OR2A12: variants seen among roughly 807,000 people sequenced by gnomAD.
The protein encoded by OR2A12 is olfactory receptor family 2 subfamily A member 12.
For synonymous variants in OR2A12, 153 were observed against 149.3 expected, an observed-to-expected ratio of 1.02 and a Z score of -0.18; for missense variants, 380 against 372.5, an observed-to-expected ratio of 1.02 and a Z score of -0.17.
intron 1 of OR2A12, among the ~76,000 whole-genome samples, chr7:144,090,670 C>T (rs950712317): frequency 3.3e-5 from 5 of 152,078 alleles, no homozygotes; most frequent in East Asian, 1.9e-4. Context: ...TTTCATGATC[C>T]TCTCTCTCCT....
In OR2A12 at chr7:144,095,782, G is replaced by C; in HGVS notation, c.675G>C (p.Leu225Phe). 6.2e-7 allele frequency: 1 copy of C among 1,614,100 alleles called. No individual in the cohort carries two copies. Among genetic ancestry groups the C allele is most frequent in the Non-Finnish European group, 8.5e-7 (1 of 1,180,010 alleles). The change falls in exon 2 of 2, where the codon TTG (leucine) becomes TTC (phenylalanine). Residue 225 changes from leucine to phenylalanine, a missense_variant. Transcript: ENST00000641592. ...ACTTGCACATCCTGGTGGCCATCTT[G>C]AGGATCCAGTCTGGGGAGGGCCGCA... is the stretch of plus-strand genomic sequence containing the variant. ...VSYLHILVAI[L>F]RIQSGEGRRK...
At chr7:144,091,485 TAA>T (rs2051227061) in intron 1 of OR2A12, among the ~76,000 whole-genome samples, 1 of 152,230 alleles carries the variant, frequency 6.6e-6, no homozygotes, top group African/African-American at 2.4e-5. Context: ...CAACAGTGTA[TAA>T]GTGTTCCCTT....
intron 1 of OR2A12, among the ~76,000 whole-genome samples, chr7:144,087,457 G>C (rs927300963): frequency 6.6e-6 from 1 of 152,148 alleles, no homozygotes; most frequent in African/African-American, 2.4e-5. Flanking sequence ...CTTGACTATG[G>C]TGTCACATAT....
chr7:144,087,421 C>A, intron 1 of OR2A12, among the ~76,000 whole-genome samples: 1 of 152,126 alleles, frequency 6.6e-6, no homozygotes, highest in African/African-American at 2.4e-5. Context: ...TATGGAAACC[C>A]TTTATCAGAT....
At position 144,095,840 on chromosome 7, in the gene OR2A12, T is replaced by C. The variant is rs1488295939; in HGVS notation, c.733T>C (p.Cys245Arg). Residue 245 changes from cysteine to arginine, a missense_variant, in exon 2 of 2, where the codon TGC becomes CGC. Physicochemically the swap from Cys to Arg is radical, Grantham distance 180. Transcript: ENST00000641592. ...CTTCTCTACCTGCTCCTCCCACCTCTGCGTGGTGGGGCTTTTCTTTGGCAG... is the reference window on the plus strand; with the variant it reads ...CTTCTCTACCTGCTCCTCCCACCTCCGCGTGGTGGGGCTTTTCTTTGGCAG... Reference protein sequence around the residue: ...KAFSTCSSHLCVVGLFFGSAI... With the variant: ...KAFSTCSSHLRVVGLFFGSAI... 2 of 1,614,134 alleles carry C rather than the reference T, an allele frequency of 1.2e-6. No individual in the cohort carries two copies. Among genetic ancestry groups the C allele is most frequent in the Admixed American group, 1.7e-5 (1 of 60,022 alleles).
chr7:144,098,484 A>G lies in OR2A12; in HGVS notation c.*2444A>G, dbSNP rs149313287. On this transcript the variant is annotated 3_prime_UTR_variant, in exon 2 of 2. Transcript: ENST00000641592. ...CATTTTTATGTTCTATTTATTAATA[A>G]TTTCTATTTTGCACATGAGAAGATC... 1 of 152,218 alleles carries G rather than the reference A, an allele frequency of 6.6e-6. No homozygotes were observed. The highest frequency in any genetic ancestry group is 1.5e-5 in the Non-Finnish European group (1 of 68,004). The allele number at this position is 152,218 out of a possible 1,614,324, so 9.4% of individuals were successfully genotyped here.
rs760369758 is a variant in OR2A12 at position 144,095,749 on chromosome 7, G to T, written c.642G>T (p.Leu214=). ...TAGTGGGGCCGCTCTGCCTGGTGCTGGTCTCCTACTTGCACATCCTGGTGG... is the reference window on the plus strand; with the variant it reads ...TAGTGGGGCCGCTCTGCCTGGTGCTTGTCTCCTACTTGCACATCCTGGTGG... The part of the protein sequence containing the change: ...FILVGPLCLV[L]VSYLHILVAI... The change falls in exon 2 of 2, where the codon CTG becomes CTT. Residue 214 remains leucine (L), a synonymous_variant. Transcript: ENST00000641592. 1 of 1,614,092 alleles carries T rather than the reference G, an allele frequency of 6.2e-7. No individual in the cohort carries two copies. The highest frequency in any genetic ancestry group is 1.1e-5 in the South Asian group (1 of 91,086).
intron 1 of OR2A12, among the ~76,000 whole-genome samples, chr7:144,092,294 C>T (rs1292440605): frequency 1.3e-5 from 2 of 152,110 alleles, no homozygotes; most frequent in African/African-American, 4.8e-5. Context: ...ATGATGCCTC[C>T]AGCTGTGTTC....
chr7:144,089,013 C>T (rs1403193824), intron 1 of OR2A12, among the ~76,000 whole-genome samples: 2 of 152,194 alleles, frequency 1.3e-5, no homozygotes, highest in African/African-American at 4.8e-5. Context: ...ACAAGAGGAG[C>T]ACCTTATATT....
Position 144,095,209 on chromosome 7 carries a change from C to T in OR2A12, c.102C>T (p.Tyr34=), listed in dbSNP as rs748808747. The T allele has an allele frequency of 6.2e-7, 1 of 1,613,854 alleles. No homozygotes were observed. Among genetic ancestry groups the T allele is most frequent in the Non-Finnish European group, 8.5e-7 (1 of 1,179,802 alleles). ...LFLFGFFLLF[Y]SLTLMGNGII... is the part of the protein sequence containing the mutation. Reference sequence around the variant, plus strand: ...TCTTTGGGTTTTTCTTGCTATTCTACAGCTTAACCCTGATGGGAAATGGGA... The same window carrying T: ...TCTTTGGGTTTTTCTTGCTATTCTATAGCTTAACCCTGATGGGAAATGGGA... Residue 34 remains tyrosine, a synonymous_variant, in exon 2 of 2, where the codon TAC becomes TAT. Coordinates refer to ENST00000641592, the MANE Select transcript of OR2A12 (RefSeq NM_001004135.2).
chr7:144,089,274 C>G (rs1383982633), intron 1 of OR2A12, among the ~76,000 whole-genome samples: 1 of 150,098 alleles, frequency 6.7e-6, no homozygotes, highest in Non-Finnish European at 1.5e-5. Context: ...ACATGTTTTC[C>G]ATTATTTTAT....
chr7:144,090,489 G>A (rs1348893618), intron 1 of OR2A12, among the ~76,000 whole-genome samples: 4 of 152,008 alleles, frequency 2.6e-5, no homozygotes, highest in East Asian at 1.9e-4. Flanking sequence ...TTAAACCGAT[G>A]TCAGTCATAG....
intron 1 of OR2A12, among the ~76,000 whole-genome samples, chr7:144,094,430 C>A (rs1006724718): frequency 6.6e-6 from 1 of 152,186 alleles, no homozygotes; most frequent in Non-Finnish European, 1.5e-5. Context: ...CATCTCACAA[C>A]AACTTGCCTT....
Position 144,086,301 on chromosome 7 carries a change from G to A in OR2A12, c.-294G>A, listed in dbSNP as rs1199323372. ...GTGCATGCCAAGATTCTCCTGGGTA[G>A]GAACAACCTTGCCATTCTTCCTGAG... is the stretch of plus-strand genomic sequence containing the variant. On this transcript the variant is annotated 5_prime_UTR_variant, in exon 1 of 2. Transcript: ENST00000641592. The A allele has an allele frequency of 6.6e-6, 1 of 152,362 alleles. No individual in the cohort carries two copies. Among genetic ancestry groups the A allele is most frequent in the Non-Finnish European group, 1.5e-5 (1 of 68,070 alleles). The allele number at this position is 152,362 out of a possible 1,614,324, so 9.4% of individuals were successfully genotyped here. A position where few individuals can be genotyped will look rare whatever the true frequency, so the allele number is the denominator to read the frequency against.
chr7:144,095,525 T>C lies in OR2A12; in HGVS notation c.418T>C (p.Cys140Arg). 1 of 1,614,136 alleles carries C rather than the reference T, an allele frequency of 6.2e-7. No individual in the cohort carries two copies. The highest frequency in any genetic ancestry group is 8.5e-7 in the Non-Finnish European group (1 of 1,179,992). ...CACCCTCATTATGAACTGGAGAGTG[T>C]GCACTGTCCTGGCCTCAACTTGCTG... ...QYTLIMNWRV[C>R]TVLASTCWIF... is the part of the protein sequence containing the mutation. The change falls in exon 2 of 2, where the codon TGC (cysteine) becomes CGC (arginine). Residue 140 changes from cysteine (C) to arginine (R), a missense_variant. Transcript: ENST00000641592.
chr7:144,089,853 G>A (rs549425801), intron 1 of OR2A12, among the ~76,000 whole-genome samples: 1 of 151,782 alleles, frequency 6.6e-6, no homozygotes, highest in Non-Finnish European at 1.5e-5. Context: ...TCATTTTATA[G>A]CCCATTGTTT....
At chr7:144,088,159 C>G (rs2051200212) in intron 1 of OR2A12, among the ~76,000 whole-genome samples, 1 of 152,120 alleles carries the variant, frequency 6.6e-6, no homozygotes, top group Non-Finnish European at 1.5e-5. Context: ...CTACAGATGC[C>G]CAACACCACG....
In OR2A12 at chr7:144,095,179, G is replaced by A. The variant is rs757622859; in HGVS notation, c.72G>A (p.Leu24=). The A allele has an allele frequency of 6.2e-7, 1 of 1,613,988 alleles. No individual in the cohort carries two copies. The highest frequency in any genetic ancestry group is 8.5e-7 in the Non-Finnish European group (1 of 1,179,996). ...TCCAGGTGGACCCAGCTCTGGAGTT[G>A]TTCCTCTTTGGGTTTTTCTTGCTAT... ...LGFQVDPALE[L]FLFGFFLLFY... The change falls in exon 2 of 2, where the codon TTG becomes TTA. Residue 24 remains leucine (L), a synonymous_variant. Coordinates refer to ENST00000641592, the MANE Select transcript of OR2A12 (RefSeq NM_001004135.2).
chr7:144,088,135 C>G (rs1563040415), intron 1 of OR2A12, among the ~76,000 whole-genome samples: 1 of 152,166 alleles, frequency 6.6e-6, no homozygotes, highest in Non-Finnish European at 1.5e-5. Flanking sequence ...CCTCAGCCTC[C>G]CGAATAGCTG....
Sources: gnomAD v4.1 joint callset for allele counts (sites outside exome capture counted in the v4.1 genomes callset) on GRCh38, gnomAD v4.1.1 for gene constraint, MANE v1.5 for transcripts, NCBI Gene and HGNC (gene_info 2026-07-23, HGNC 2026-07-21) for gene names.